Variants in NAA11 observed in about 807,000 individuals in gnomAD.
NAA11 encodes the protein N-alpha-acetyltransferase 11, NatA catalytic subunit.
In NAA11, 15 loss-of-function variants were observed where a neutral mutation model predicts 16.1. That is an observed-to-expected ratio of 0.93 (90% CI 0.62 to 1.44). The LOEUF (loss-of-function observed/expected upper bound fraction) is 1.44. Ranked by LOEUF, NAA11 falls within the 40% of genes most tolerant of loss-of-function variation. The pLI, the probability that NAA11 is intolerant of heterozygous loss-of-function variation, is 0.00. For missense variants in NAA11, 298 were observed against 291.3 expected (o/e 1.02, Z -0.17); for synonymous variants, 122 against 112.4 (o/e 1.09, Z -0.54).
At chr4:79,305,818 A>C (rs1020398565) in intron 1 of NAA11, among the ~76,000 whole-genome samples, 1 of 152,138 alleles carries the variant, frequency 6.6e-6, no homozygotes, top group African/African-American at 2.4e-5. Context: ...TAACATAATA[A>C]TCCTCAAAAA....
chr4:79,178,829 A>C, the NAA11 span, among the ~76,000 whole-genome samples: 3 of 152,190 alleles, frequency 2.0e-5, no homozygotes, highest in Non-Finnish European at 4.4e-5. Flanking sequence ...CATTTATGCT[A>C]TGATGTGAAG....
At chr4:79,253,137 T>C (rs1722032005) in intron 2 of NAA11, among the ~76,000 whole-genome samples, 1 of 152,224 alleles carries the variant, frequency 6.6e-6, no homozygotes. Context: ...GGTTGAAATG[T>C]GACTATAAGG....
intron 1 of NAA11, among the ~76,000 whole-genome samples, chr4:79,324,768 T>G (rs1724205601): frequency 6.6e-6 from 1 of 152,230 alleles, no homozygotes; most frequent in African/African-American, 2.4e-5. Context: ...CTAATGCTAT[T>G]AGCCATTGAT....
the NAA11 span, among the ~76,000 whole-genome samples, chr4:79,172,756 T>C: frequency 6.6e-6 from 1 of 152,094 alleles, no homozygotes; most frequent in Non-Finnish European, 1.5e-5. Context: ...TACCTCACCT[T>C]TAATTCCTGA....
At chr4:79,274,832 T>C (rs1722610200) in intron 2 of NAA11, among the ~76,000 whole-genome samples, 1 of 152,060 alleles carries the variant, frequency 6.6e-6, no homozygotes, top group East Asian at 1.9e-4. Flanking sequence ...GCTGCTCACA[T>C]AGGGATCACA....
the NAA11 span, among the ~76,000 whole-genome samples, chr4:79,159,964 A>G: frequency 6.6e-6 from 1 of 150,814 alleles, no homozygotes; most frequent in Non-Finnish European, 1.5e-5. Context: ...TTGTTCATCT[A>G]GATAGATATT....
chr4:79,191,683 C>G, the NAA11 span, among the ~76,000 whole-genome samples: 1,223 of 152,206 alleles, frequency 8.0e-3, 20 homozygotes, highest in African/African-American at 0.028. Flanking sequence ...TTCTTAAGTT[C>G]AGTTAGATCC....
At chr4:79,299,966 G>T (rs1367182483) in intron 1 of NAA11, among the ~76,000 whole-genome samples, 1 of 152,132 alleles carries the variant, frequency 6.6e-6, no homozygotes, top group African/African-American at 2.4e-5. Context: ...AATGAGCTCT[G>T]GCCTGGTTCA....
At chr4:79,167,278 G>T in the NAA11 span, among the ~76,000 whole-genome samples, 1,223 of 137,652 alleles carry the variant, frequency 8.9e-3, 20 homozygotes, top group African/African-American at 0.033. Context: ...TATAGAGAGA[G>T]AGAGAGAGAG....
the NAA11 span, among the ~76,000 whole-genome samples, chr4:79,184,807 T>C: frequency 6.6e-6 from 1 of 152,208 alleles, no homozygotes; most frequent in Non-Finnish European, 1.5e-5. Flanking sequence ...AGCTGGTATA[T>C]AAATTTACTC....
At chr4:79,195,610 A>G in the NAA11 span, among the ~76,000 whole-genome samples, 1 of 152,054 alleles carries the variant, frequency 6.6e-6, no homozygotes. Flanking sequence ...TTATTCTTGC[A>G]TTATCTTTGT....
the NAA11 span, among the ~76,000 whole-genome samples, chr4:79,163,524 T>C: frequency 6.6e-6 from 1 of 150,966 alleles, no homozygotes; most frequent in African/African-American, 2.5e-5. Context: ...ATTACAAACA[T>C]TAGCATTATA....
At chr4:79,323,995 T>G (rs1306613191) in intron 1 of NAA11, among the ~76,000 whole-genome samples, 2 of 130,772 alleles carry the variant, frequency 1.5e-5, no homozygotes, top group Non-Finnish European at 3.3e-5. Flanking sequence ...AGAACGAGAC[T>G]CTGTCTCAAA....
chr4:79,176,170 C>G, the NAA11 span, among the ~76,000 whole-genome samples: 4 of 152,170 alleles, frequency 2.6e-5, no homozygotes, highest in African/African-American at 9.6e-5. Context: ...ACATGTGGCT[C>G]TCCAGAGCCT....
chr4:79,279,728 T>C (rs1395377978), intron 2 of NAA11, among the ~76,000 whole-genome samples: 3 of 152,094 alleles, frequency 2.0e-5, no homozygotes, highest in East Asian at 3.9e-4. Flanking sequence ...GGTGAAAATA[T>C]GTTGTAAACC....
At chr4:79,227,606 A>G (rs1721348927) in intron 2 of NAA11, 1 of 152,058 alleles carries the variant, frequency 6.6e-6, no homozygotes, top group Non-Finnish European at 1.5e-5. Context: ...CACTTTGGTT[A>G]CATTTATCCA....
At chr4:79,287,508 G>A (rs1056360558) in intron 2 of NAA11, among the ~76,000 whole-genome samples, 1 of 151,828 alleles carries the variant, frequency 6.6e-6, no homozygotes, top group Non-Finnish European at 1.5e-5. Flanking sequence ...TGGCCAATGA[G>A]GTGTAATAAG....
intron 2 of NAA11, among the ~76,000 whole-genome samples, chr4:79,269,271 C>G (rs1170461919): frequency 6.7e-6 from 1 of 148,296 alleles, no homozygotes; most frequent in South Asian, 2.2e-4. Context: ...CCTGAGGAAT[C>G]GCCACACTGA....
At chr4:79,310,620 A>G (rs191724734) in intron 1 of NAA11, among the ~76,000 whole-genome samples, 33 of 152,350 alleles carry the variant, frequency 2.2e-4, no homozygotes, top group South Asian at 4.1e-4. Flanking sequence ...CTGTGGCTCA[A>G]GATGGCAGGA....
Sources: allele counts gnomAD v4.1 joint callset (sites outside exome capture counted in the v4.1 genomes callset), GRCh38; gene constraint gnomAD v4.1.1; transcripts MANE v1.5; gene names NCBI Gene and HGNC (gene_info 2026-07-23, HGNC 2026-07-21).